The following DHRS7B variants were observed in gnomAD, a reference collection of about 807,000 sequenced individuals.
DHRS7B encodes the protein peroxisomal reductase activating PPAR-gamma.
In DHRS7B, 24 loss-of-function variants were observed where a neutral mutation model predicts 26.4. The observed-to-expected ratio is 0.91, with a 90% CI of 0.66 to 1.28. The LOEUF is 1.28. Ranked by LOEUF, DHRS7B falls within the 50% of genes most tolerant of loss-of-function variation. DHRS7B has a pLI of 0.00. For missense variants in DHRS7B, 368 were observed against 419.4 expected (o/e 0.88, Z 1.07); for synonymous variants, 142 against 166.4 (o/e 0.85, Z 1.13).
chr17:21,182,664 C>T (rs549794336), intron 3 of DHRS7B, among the ~76,000 whole-genome samples: 52 of 152,256 alleles, frequency 3.4e-4, no homozygotes, highest in African/African-American at 1.2e-3. Context: ...CTGGGGATTA[C>T]AGCCATGAGC....
At chr17:21,142,053 A>G (rs2143929535) in intron 1 of DHRS7B, among the ~76,000 whole-genome samples, 1 of 152,320 alleles carries the variant, frequency 6.6e-6, no homozygotes, top group African/African-American at 2.4e-5. Flanking sequence ...AAAACCCCTC[A>G]GACACCAAGA....
Position 21,183,749 on chromosome 17 carries a change from A to T in DHRS7B, c.465A>T (p.Thr155=). 6.2e-7 allele frequency: 1 copy of T among 1,614,260 alleles called. No individual in the cohort carries two copies. Among genetic ancestry groups the T allele is most frequent in the African/African-American group, 1.3e-5 (1 of 75,066 alleles). The change falls in exon 4 of 7, where the codon ACA becomes ACT. Residue 155 remains threonine, a synonymous_variant. Coordinates refer to ENST00000395511, the MANE Select transcript of DHRS7B (RefSeq NM_015510.5). ...ACCGTGGTACCATCATGGACACCACAGTGGATGTGGACAAGAGGGTCATGG... is the reference window on the plus strand; with the variant it reads ...ACCGTGGTACCATCATGGACACCACTGTGGATGTGGACAAGAGGGTCATGG... ...ISYRGTIMDT[T]VDVDKRVMET... is the part of the protein sequence containing the mutation.
intron 1 of DHRS7B, among the ~76,000 whole-genome samples, chr17:21,145,093 G>C (rs1035283038): frequency 1.1e-4 from 16 of 152,046 alleles, no homozygotes; most frequent in Admixed American, 6.6e-4. Flanking sequence ...GGGAGGCCAA[G>C]GTGGGCGGAT....
chr17:21,140,528 A>C (rs1973478928), intron 1 of DHRS7B, among the ~76,000 whole-genome samples: 1 of 149,664 alleles, frequency 6.7e-6, no homozygotes, highest in African/African-American at 2.5e-5. Flanking sequence ...ACACACACAC[A>C]CACACACACA....
intron 5 of DHRS7B, 138 bp downstream of exon 5, chr17:21,184,601 TC>T: frequency 1.2e-6 from 1 of 841,066 alleles, no homozygotes; most frequent in Non-Finnish European, 1.8e-6. Flanking sequence ...GAATGTGTTC[TC>T]CAGAGCCACA....
At chr17:21,164,215 C>T (rs1045563063) in intron 1 of DHRS7B, among the ~76,000 whole-genome samples, 1 of 150,602 alleles carries the variant, frequency 6.6e-6, no homozygotes, top group African/African-American at 2.5e-5. Context: ...TTTTTTTATA[C>T]AGACGGGGTC....
At chr17:21,165,728 C>T (rs1254817914) in intron 1 of DHRS7B, among the ~76,000 whole-genome samples, 1 of 151,938 alleles carries the variant, frequency 6.6e-6, no homozygotes, top group Non-Finnish European at 1.5e-5. Context: ...CCAGCCTGGC[C>T]AGTATGGTGA....
chr17:21,171,893 T>C (rs748330484), intron 1 of DHRS7B, 125 bp from the exon 2 acceptor site: 8 of 1,220,654 alleles, frequency 6.6e-6, no homozygotes, highest in Admixed American at 5.4e-5. Flanking sequence ...CAATGCTTGC[T>C]AGGGCTTAGA....
intron 1 of DHRS7B, chr17:21,166,542 A>C: frequency 5.7e-6 from 1 of 175,860 alleles, no homozygotes; most frequent in Non-Finnish European, 6.3e-6. Flanking sequence ...TTTGAGACCA[A>C]AAAAAAAAAA....
intron 1 of DHRS7B, among the ~76,000 whole-genome samples, chr17:21,129,471 T>C (rs1973178900): frequency 6.6e-6 from 1 of 151,844 alleles, no homozygotes; most frequent in Non-Finnish European, 1.5e-5. Flanking sequence ...TTTGGGAGGC[T>C]GAGGTGGGAG....
At chr17:21,148,977 A>G (rs1046017907) in intron 1 of DHRS7B, among the ~76,000 whole-genome samples, 4 of 152,168 alleles carry the variant, frequency 2.6e-5, no homozygotes, top group African/African-American at 7.2e-5. Flanking sequence ...GGAAAATCAG[A>G]GAACATCAGA....
intron 1 of DHRS7B, among the ~76,000 whole-genome samples, chr17:21,141,640 A>AAAAAAAG: frequency 0.22 from 19,639 of 89,440 alleles, 4,923 homozygotes; most frequent in Non-Finnish European, 0.26. Context: ...AAAAAAAAAA[A>AAAAAAAG]CAACCTCATC....
chr17:21,155,779 G>A (rs760766826), intron 1 of DHRS7B, among the ~76,000 whole-genome samples: 12 of 152,138 alleles, frequency 7.9e-5, no homozygotes, highest in Non-Finnish European at 1.2e-4. Flanking sequence ...TCCAGACCAC[G>A]ATGGAATTGA....
intron 1 of DHRS7B, among the ~76,000 whole-genome samples, chr17:21,152,678 TAAC>T (rs1973797851): frequency 6.6e-6 from 1 of 152,236 alleles, no homozygotes; most frequent in Non-Finnish European, 1.5e-5. Flanking sequence ...CTGCTCATCT[TAAC>T]AATGCCTGCC....
intron 1 of DHRS7B, among the ~76,000 whole-genome samples, chr17:21,138,066 T>TTTAAAA (rs71357468): frequency 2.3e-4 from 8 of 35,240 alleles, no homozygotes; most frequent in African/African-American, 5.2e-4. Flanking sequence ...CGGCCTCTTT[T>TTTAAAA]AAAAAAAAAA....
chr17:21,155,607 C>A (rs993270064), intron 1 of DHRS7B, among the ~76,000 whole-genome samples: 1 of 152,192 alleles, frequency 6.6e-6, no homozygotes, highest in Non-Finnish European at 1.5e-5. Flanking sequence ...TAGTTCAACT[C>A]AACAGCGGTC....
intron 5 of DHRS7B, among the ~76,000 whole-genome samples, chr17:21,187,149 G>T (rs557188285): frequency 6.7e-6 from 1 of 148,358 alleles, no homozygotes; most frequent in African/African-American, 2.5e-5. Flanking sequence ...ATGAATATAC[G>T]TAGAATATAT....
intron 5 of DHRS7B, among the ~76,000 whole-genome samples, chr17:21,187,211 TTTGGGAGGGTGAAGTGGGAGGATTGC>T (rs1177362985): frequency 1.3e-5 from 2 of 151,306 alleles, no homozygotes; most frequent in Non-Finnish European, 2.9e-5. Flanking sequence ...CCACCAGCAC[TTTGGGAGGGTGAAGTGGGAGGATTGC>T]TTGAGGCCAG....
chr17:21,130,391 A>AAAAT lies in DHRS7B; in HGVS notation c.20+3424_20+3427dup, dbSNP rs199729898. On this transcript the variant is annotated intron_variant, in intron 1 of 6. Transcript: ENST00000395511. ...GCTACAGAGTGAGACTCCACCTCAA[A>AAAAT]AAATAAATAAATAAATAAATAAATA... Among the ~76,000 whole-genome samples, 225 of 152,168 alleles carry AAAAT rather than the reference A, an allele frequency of 1.5e-3. 2 individuals carry two copies. In the East Asian group the frequency reaches 0.023, roughly 16 times the overall value.
Sources: allele counts gnomAD v4.1 joint callset (sites outside exome capture counted in the v4.1 genomes callset), GRCh38; gene constraint gnomAD v4.1.1; transcripts MANE v1.5; gene names NCBI Gene and HGNC (gene_info 2026-07-23, HGNC 2026-07-21).